PAPSS2: variants seen among roughly 807,000 people sequenced by gnomAD.
PAPSS2 encodes 3'-phosphoadenosine 5'-phosphosulfate synthase 2, also known as bifunctional 3'-phosphoadenosine 5'-phosphosulfate synthase 2.
Under a neutral mutation model 66.5 loss-of-function variants are expected in PAPSS2, and 61 were observed. The observed-to-expected ratio is 0.92, with a 90% CI of 0.75 to 1.14. The LOEUF (loss-of-function observed/expected upper bound fraction) is 1.14. Ranked by LOEUF, PAPSS2 falls within the 50% of genes most tolerant of loss-of-function variation. PAPSS2 has a pLI of 0.00. For synonymous variants in PAPSS2, 289 were observed against 287.5 expected, an observed-to-expected ratio of 1.01 and a Z score of -0.05; for missense variants, 708 against 789.6, an observed-to-expected ratio of 0.90 and a Z score of 1.24.
intron 1 of PAPSS2, among the ~76,000 whole-genome samples, chr10:87,707,725 A>G (rs1853410893): frequency 1.3e-5 from 2 of 151,296 alleles, no homozygotes; most frequent in East Asian, 1.9e-4. Flanking sequence ...ATATGCCACC[A>G]TGCCTGGCTA....
chr10:87,682,053 A>C (rs1853027901), intron 1 of PAPSS2, among the ~76,000 whole-genome samples: 1 of 152,258 alleles, frequency 6.6e-6, no homozygotes, highest in South Asian at 2.1e-4. Flanking sequence ...CTTTTGAAGA[A>C]GGGACATGAT....
chr10:87,706,096 A>ATATATG (rs1554864722), intron 1 of PAPSS2, among the ~76,000 whole-genome samples: 1 of 86,832 alleles, frequency 1.2e-5, no homozygotes, highest in East Asian at 3.2e-4. Flanking sequence ...ATATATATAT[A>ATATATG]TATATATATA....
intron 7 of PAPSS2, among the ~76,000 whole-genome samples, chr10:87,718,396 T>C (rs1342895577): frequency 6.6e-6 from 1 of 152,192 alleles, no homozygotes; most frequent in African/African-American, 2.4e-5. Context: ...CACTTATTAT[T>C]GCTCCCACTT....
chr10:87,744,904 C>A, intron 11 of PAPSS2, 98 bp from the exon 12 acceptor site: 2 of 1,014,402 alleles, frequency 2.0e-6, no homozygotes, highest in Non-Finnish European at 3.0e-6. Flanking sequence ...ACTCACATTG[C>A]TGAATTACTT....
In PAPSS2 at chr10:87,734,663, GTATATATATATATATATATA is replaced by G. The variant is rs66686947; in HGVS notation, c.1087-6548_1087-6529del. Among the ~76,000 whole-genome samples, 83 of 81,114 alleles carry G rather than the reference GTATATATATATATATATATA, an allele frequency of 1.0e-3. 2 individuals are homozygous for G. The highest frequency in any genetic ancestry group is 3.4e-3 in the East Asian group (4 of 1,166). 53.2% of individuals were successfully genotyped at this position (81,114 alleles called of 152,430 possible). A position where few individuals can be genotyped will look rare whatever the true frequency, so the allele number is the denominator to read the frequency against. On this transcript the variant is annotated intron_variant, in intron 9 of 12. Coordinates refer to ENST00000456849, the MANE Select transcript of PAPSS2 (RefSeq NM_001015880.2). ...TGATAGCACAGAAATGAATGTGTGT[GTATATATATATATATATATA>G]TATATATATATATATATATATATGT...
chr10:87,743,635 C>T lies in PAPSS2; in HGVS notation c.1485C>T (p.Pro495=). ...CGTCTCCCATGTTATATGCTGGCCC[C>T]ACAGAGGTGAGCAATTCCCAGAGCT... ...IFPSPMLYAG[P]TEVQWHCRSR... is the part of the protein sequence containing the mutation. Residue 495 remains proline (P), a synonymous_variant, in exon 11 of 13, where the codon CCC becomes CCT. Transcript: ENST00000456849. The T allele has an allele frequency of 1.2e-6, 2 of 1,614,174 alleles. No homozygotes were observed. Among genetic ancestry groups the T allele is most frequent in the Non-Finnish European group, 1.7e-6 (2 of 1,180,000 alleles).
chr10:87,718,989 C>T lies in PAPSS2; in HGVS notation c.866-2767C>T, dbSNP rs77228413. On this transcript the variant is annotated intron_variant, in intron 7 of 12. Transcript: ENST00000456849. The stretch of plus-strand genomic sequence containing the variant: ...AACTTTCTGTAAGATTCTTCTTTTC[C>T]CTGTGGGAATTATCTGCTGGTTCCA... Among the ~76,000 whole-genome samples, 57 of 152,228 alleles carry T rather than the reference C, an allele frequency of 3.7e-4. 1 individual carries two copies. The East Asian group carries it at 0.01, about 28-fold the overall frequency.
intron 9 of PAPSS2, among the ~76,000 whole-genome samples, chr10:87,739,200 G>A (rs1853836923): frequency 6.6e-6 from 1 of 152,128 alleles, no homozygotes; most frequent in Non-Finnish European, 1.5e-5. Flanking sequence ...TGTAAGATAA[G>A]GGTCCAACTT....
intron 1 of PAPSS2, among the ~76,000 whole-genome samples, chr10:87,702,639 A>G (rs1853332357): frequency 6.6e-6 from 1 of 152,174 alleles, no homozygotes; most frequent in Non-Finnish European, 1.5e-5. Flanking sequence ...TTGTAAAGAG[A>G]GAAGTAAAGT....
chr10:87,682,485 T>A (rs1308580630), intron 1 of PAPSS2, among the ~76,000 whole-genome samples: 1 of 152,210 alleles, frequency 6.6e-6, no homozygotes, highest in Non-Finnish European at 1.5e-5. Context: ...GGAGTTGTTC[T>A]CCCTTCTTGA....
rs138066881 is a variant in PAPSS2 at position 87,695,236 on chromosome 10, T to C, written c.28-13960T>C. 4.6e-5 allele frequency among the ~76,000 whole-genome samples: 7 copies of C among 152,320 alleles called. No homozygotes were observed. The East Asian group carries it at 1.4e-3, about 29-fold the overall frequency. ...TCTGGTGAGGGCTGCCTTCTTGCTA[T>C]AAGCTCACATGGAGGAAAAACGGCC... On this transcript the variant is annotated intron_variant, in intron 1 of 12. Coordinates refer to ENST00000456849, the MANE Select transcript of PAPSS2 (RefSeq NM_001015880.2).
intron 1 of PAPSS2, among the ~76,000 whole-genome samples, chr10:87,665,654 G>A (rs4934355): frequency 0.5 from 76,235 of 152,064 alleles, 19,295 homozygotes; most frequent in East Asian, 0.77. Context: ...TGTCCTTGCC[G>A]TCTCTCTGAG....
intron 1 of PAPSS2, among the ~76,000 whole-genome samples, chr10:87,670,902 G>A (rs1431161014): frequency 6.6e-6 from 1 of 152,222 alleles, no homozygotes; most frequent in Non-Finnish European, 1.5e-5. Flanking sequence ...ATCACACTGT[G>A]TTATTAATCC....
chr10:87,659,881 C>CGCTGCTGCT lies in PAPSS2; in HGVS notation c.-83_-75dup, dbSNP rs3217087. On this transcript the variant is annotated 5_prime_UTR_variant, in exon 1 of 13. Coordinates refer to ENST00000456849, the MANE Select transcript of PAPSS2 (RefSeq NM_001015880.2). ...ACCTCCTTCCCGGGAGTCCGGCAGC[C>CGCTGCTGCT]GCTGCTGCTGCTGCTGCTGCTGCTG... 0.01 allele frequency: 10,522 copies of CGCTGCTGCT among 1,037,630 alleles called. 534 individuals are homozygous for CGCTGCTGCT. In the African/African-American group the frequency reaches 0.14, roughly 14 times the overall value. The allele number at this position is 1,037,630 out of a possible 1,614,324, so 64.3% of individuals were successfully genotyped here. A position where few individuals can be genotyped will look rare whatever the true frequency, so the allele number is the denominator to read the frequency against.
At chr10:87,663,064 A>G (rs1277620060) in intron 1 of PAPSS2, among the ~76,000 whole-genome samples, 2 of 145,596 alleles carry the variant, frequency 1.4e-5, no homozygotes, top group African/African-American at 5.2e-5. Context: ...CCTTATTTTC[A>G]GAATTGTGCA....
At chr10:87,723,510 A>G (rs1265598178) in intron 8 of PAPSS2, among the ~76,000 whole-genome samples, 4 of 152,232 alleles carry the variant, frequency 2.6e-5, no homozygotes, top group African/African-American at 4.8e-5. Flanking sequence ...TGTTCTCTGC[A>G]AAGGACTTAG....
At chr10:87,690,027 A>G (rs1427318062) in intron 1 of PAPSS2, among the ~76,000 whole-genome samples, 1 of 152,222 alleles carries the variant, frequency 6.6e-6, no homozygotes, top group Non-Finnish European at 1.5e-5. Context: ...TCTATAATGG[A>G]CAATTTAGTT....
chr10:87,720,155 G>A (rs1316267847), intron 7 of PAPSS2, among the ~76,000 whole-genome samples: 1 of 152,164 alleles, frequency 6.6e-6, no homozygotes, highest in Non-Finnish European at 1.5e-5. Flanking sequence ...TAAAGTGCTA[G>A]GATTAGAGCC....
At chr10:87,661,766 T>C (rs1852755765) in intron 1 of PAPSS2, among the ~76,000 whole-genome samples, 2 of 152,224 alleles carry the variant, frequency 1.3e-5, no homozygotes, top group African/African-American at 4.8e-5. Flanking sequence ...AACCTTCTAT[T>C]TTTTGTTAGG....
Sources: gnomAD v4.1 joint callset for allele counts (sites outside exome capture counted in the v4.1 genomes callset) on GRCh38, gnomAD v4.1.1 for gene constraint, MANE v1.5 for transcripts, NCBI Gene and HGNC (gene_info 2026-07-23, HGNC 2026-07-21) for gene names.